The following CNKSR2 variants were observed in gnomAD, a reference collection of about 807,000 sequenced individuals.
CNKSR2 encodes connector enhancer of kinase suppressor of Ras 2, also known as CNK homolog protein 2.
CNKSR2 carries 14 observed loss-of-function variants against 84.4 expected under a neutral mutation model. The observed-to-expected ratio is 0.17, with a 90% CI of 0.11 to 0.26. The LOEUF (loss-of-function observed/expected upper bound fraction) is 0.26, where lower values mean the gene tolerates loss of function less well. Ranked by LOEUF, CNKSR2 falls within the 10% of genes least tolerant of loss-of-function variation. The pLI, the probability that CNKSR2 is intolerant of heterozygous loss-of-function variation, is 1.00. For missense variants in CNKSR2, 485 were observed against 771.2 expected, an observed-to-expected ratio of 0.63 and a Z score of 4.40; for synonymous variants, 275 against 277.9, an observed-to-expected ratio of 0.99 and a Z score of 0.10.
At chrX:21,381,701 C>A (rs1287738548) in intron 1 of CNKSR2, among the ~76,000 whole-genome samples, 2 of 112,168 alleles carry the variant, frequency 1.8e-5, no homozygotes, top group Admixed American at 9.4e-5. Context: ...TCATGCCCAG[C>A]ACCAAGTATG....
chrX:21,572,484 C>T (rs2092290504), intron 13 of CNKSR2, among the ~76,000 whole-genome samples: 2 of 111,889 alleles, frequency 1.8e-5, no homozygotes, highest in Admixed American at 1.9e-4. Flanking sequence ...TAAGGACATA[C>T]TCAAGACTGG....
At chrX:21,392,557 C>G (rs941689011) in intron 1 of CNKSR2, among the ~76,000 whole-genome samples, 4 of 111,253 alleles carry the variant, frequency 3.6e-5, no homozygotes, top group African/African-American at 1.3e-4. Flanking sequence ...TATTCACTCA[C>G]TATCACAAGA....
intron 1 of CNKSR2, 151 bp downstream of exon 1, chrX:21,375,112 G>T: frequency 2.0e-6 from 1 of 512,698 alleles, no homozygotes; most frequent in Non-Finnish European, 3.4e-6. Flanking sequence ...TCCAGGACTG[G>T]CAGGGGCCTG....
chrX:21,501,554 G>T lies in CNKSR2; in HGVS notation c.776G>T (p.Gly259Val). The T allele has an allele frequency of 8.5e-7, 1 of 1,170,561 alleles. No homozygotes were observed. Among genetic ancestry groups the T allele is most frequent in the Non-Finnish European group, 1.2e-6 (1 of 866,216 alleles). Residue 259 changes from glycine (G) to valine (V), a missense_variant, in exon 8 of 22, where the codon GGC becomes GTC. Around this residue, in one of 5 missense-constraint regions of CNKSR2, gnomAD observed 109 missense variants for 197.5 expected, o/e 0.55. Coordinates refer to ENST00000379510, the MANE Select transcript of CNKSR2 (RefSeq NM_014927.5). Reference protein sequence around the residue: ...PADRCKKIHAGDEVIQVNHQT... With the variant: ...PADRCKKIHAVDEVIQVNHQT... ...GATCGGTGCAAGAAAATCCATGCTGGCGATGAAGTGATTCAAGTTAATCAT... is the reference window on the plus strand; with the variant it reads ...GATCGGTGCAAGAAAATCCATGCTGTCGATGAAGTGATTCAAGTTAATCAT...
chrX:21,604,178 GA>G (rs912967135), intron 18 of CNKSR2, among the ~76,000 whole-genome samples: 1 of 111,007 alleles, frequency 9.0e-6, no homozygotes. Flanking sequence ...CTTAGTGTAA[GA>G]AAAAAAATTA....
intron 9 of CNKSR2, among the ~76,000 whole-genome samples, chrX:21,519,447 G>A (rs771052310): frequency 9.0e-6 from 1 of 110,612 alleles, no homozygotes; most frequent in African/African-American, 3.3e-5. Flanking sequence ...TAGTACCTAA[G>A]GAGCTACCTC....
chrX:21,612,283 G>A (rs2092554246), intron 20 of CNKSR2, among the ~76,000 whole-genome samples: 3 of 112,090 alleles, frequency 2.7e-5, no homozygotes, highest in African/African-American at 3.2e-5. Flanking sequence ...ACACGGAAAC[G>A]AAGCTGTGGC....
At chrX:21,458,114 A>G (rs2091017045) in intron 4 of CNKSR2, among the ~76,000 whole-genome samples, 1 of 111,853 alleles carries the variant, frequency 8.9e-6, no homozygotes, top group African/African-American at 3.2e-5. Flanking sequence ...CTGTTTTGTA[A>G]CTGTTGGGTG....
At chrX:21,502,376 G>A (rs1431075920) in intron 8 of CNKSR2, among the ~76,000 whole-genome samples, 1 of 107,632 alleles carries the variant, frequency 9.3e-6, no homozygotes, top group East Asian at 3.0e-4. Context: ...CCAAAATAAA[G>A]TATATTTGTT....
At chrX:21,628,237 C>T (rs1031453715) in intron 20 of CNKSR2, among the ~76,000 whole-genome samples, 4 of 112,096 alleles carry the variant, frequency 3.6e-5, no homozygotes, top group South Asian at 3.7e-4. Flanking sequence ...CAGCTCTGCT[C>T]CTGTGGCTTT....
intron 20 of CNKSR2, among the ~76,000 whole-genome samples, chrX:21,625,665 A>AT (rs969244567): frequency 8.9e-5 from 10 of 112,065 alleles, no homozygotes; most frequent in African/African-American, 3.2e-4. Flanking sequence ...ATCATTTCAT[A>AT]TAAGGCCAAA....
intron 20 of CNKSR2, among the ~76,000 whole-genome samples, chrX:21,618,092 A>G (rs900950501): frequency 9.0e-6 from 1 of 110,998 alleles, no homozygotes; most frequent in African/African-American, 3.3e-5. Context: ...AAAATTAGCA[A>G]GTCCAGCCTT....
At chrX:21,631,914 G>A (rs1465138216) in intron 20 of CNKSR2, among the ~76,000 whole-genome samples, 1 of 111,847 alleles carries the variant, frequency 8.9e-6, no homozygotes, top group East Asian at 2.8e-4. Context: ...ACACCAAATT[G>A]AAGAGTAAAA....
intron 4 of CNKSR2, chrX:21,441,172 A>G (rs7889287): frequency 2.1e-3 from 243 of 113,496 alleles, no homozygotes; most frequent in African/African-American, 7.4e-3. Flanking sequence ...AATGGAAGAG[A>G]CTTGGGTGAA....
chrX:21,572,643 A>G (rs774867565), intron 13 of CNKSR2, among the ~76,000 whole-genome samples: 2 of 111,421 alleles, frequency 1.8e-5, no homozygotes, highest in African/African-American at 6.5e-5. Context: ...AAAGCGGGAG[A>G]GGGGAAGCCC....
intron 8 of CNKSR2, among the ~76,000 whole-genome samples, chrX:21,514,384 G>C (rs2091705669): frequency 1.8e-5 from 2 of 111,610 alleles, no homozygotes; most frequent in African/African-American, 6.5e-5. Context: ...AGTAAAATTA[G>C]ATACCCAAAT....
At chrX:21,509,744 A>G (rs1278968394) in intron 8 of CNKSR2, among the ~76,000 whole-genome samples, 2 of 111,726 alleles carry the variant, frequency 1.8e-5, no homozygotes, top group Non-Finnish European at 3.8e-5. Flanking sequence ...ATGGGAAAAA[A>G]TTAGGTGAAG....
chrX:21,647,396 T>C (rs2092709272), intron 20 of CNKSR2, among the ~76,000 whole-genome samples: 1 of 112,281 alleles, frequency 8.9e-6, no homozygotes, highest in South Asian at 3.6e-4. Flanking sequence ...TTGGGTTTTT[T>C]GATAGTTTTA....
At chrX:21,475,453 TTTCTAA>T (rs1432749125) in intron 5 of CNKSR2, among the ~76,000 whole-genome samples, 1 of 111,992 alleles carries the variant, frequency 8.9e-6, no homozygotes, top group Non-Finnish European at 1.9e-5. Context: ...GGCTGAAATC[TTTCTAA>T]TGCCAGGCAG....
Sources: gnomAD v4.1 joint callset for allele counts (sites outside exome capture counted in the v4.1 genomes callset) on GRCh38, gnomAD v4.1.1 for gene constraint, gnomAD v4.1.1 regional missense constraint, MANE v1.5 for transcripts, NCBI Gene and HGNC (gene_info 2026-07-23, HGNC 2026-07-21) for gene names.